Variants in PARD3B observed in about 807,000 individuals in gnomAD.
PARD3B encodes the protein partitioning defective 3 homolog B.
In PARD3B, 103 loss-of-function variants were observed where a neutral mutation model predicts 130.2. The observed-to-expected ratio is 0.79, with a 90% confidence interval of 0.67 to 0.93. The LOEUF is 0.93. Ranked by LOEUF, PARD3B falls within the 40% of genes least tolerant of loss-of-function variation. The pLI, the probability that PARD3B is intolerant of heterozygous loss-of-function variation, is 0.00. For synonymous variants in PARD3B, 583 were observed against 553.2 expected, an observed-to-expected ratio of 1.05 and a Z score of -0.76; for missense variants, 1,609 against 1,499.2, an observed-to-expected ratio of 1.07 and a Z score of -1.21.
chr2:204,595,891 A>G (rs530518036), intron 1 of PARD3B, among the ~76,000 whole-genome samples: 1 of 152,364 alleles, frequency 6.6e-6, no homozygotes, highest in East Asian at 1.9e-4. Context: ...CTTCAGTGAA[A>G]CAAAGAAGTA....
intron 21 of PARD3B, among the ~76,000 whole-genome samples, chr2:205,501,412 C>G (rs1322416903): frequency 6.6e-6 from 1 of 152,174 alleles, no homozygotes; most frequent in African/African-American, 2.4e-5. Context: ...CTTAGCTTCT[C>G]TGTAGCAGAA....
At chr2:204,626,793 C>T (rs951062222) in intron 1 of PARD3B, among the ~76,000 whole-genome samples, 2 of 151,898 alleles carry the variant, frequency 1.3e-5, no homozygotes, top group African/African-American at 4.8e-5. Context: ...GATTTATTTT[C>T]CCCCAACATT....
Position 205,291,512 on chromosome 2 carries a change from A to G in PARD3B, c.2186-9018A>G, listed in dbSNP as rs1220861046. Among the ~76,000 whole-genome samples the G allele has an allele frequency of 1.3e-5, 2 of 152,240 alleles. No homozygotes were observed. The highest frequency in any genetic ancestry group is 2.9e-5 in the Non-Finnish European group (2 of 68,034). The stretch of plus-strand genomic sequence containing the variant: ...CTGAAGTGTGTTGTTCTGGTGTATT[A>G]TGGAAGGTAGAACTTGTAAGTGATG... On this transcript the variant is annotated intron_variant, in intron 16 of 22. Coordinates refer to ENST00000406610, the MANE Select transcript of PARD3B (RefSeq NM_001302769.2). This position sits in a 1 kb window ranked among gnomAD's most constrained non-coding sequence, Gnocchi z 4.6.
intron 18 of PARD3B, among the ~76,000 whole-genome samples, chr2:205,339,914 G>A (rs1284245164): frequency 1.3e-5 from 2 of 151,796 alleles, no homozygotes; most frequent in Non-Finnish European, 2.9e-5. Flanking sequence ...AGGGGAGAAG[G>A]AGGCAGAAGT....
intron 2 of PARD3B, among the ~76,000 whole-genome samples, chr2:204,897,805 G>A (rs1365345657): frequency 2.0e-5 from 3 of 151,752 alleles, no homozygotes; most frequent in Non-Finnish European, 4.4e-5. Context: ...CCTCTTAATC[G>A]GAATGTTGTG....
chr2:204,925,166 T>C (rs1156517122), intron 2 of PARD3B, among the ~76,000 whole-genome samples: 1 of 152,002 alleles, frequency 6.6e-6, no homozygotes, highest in Non-Finnish European at 1.5e-5. Context: ...ATCAATTATC[T>C]CTGAGTAATA....
chr2:204,762,864 G>A (rs1478119182), intron 2 of PARD3B, among the ~76,000 whole-genome samples: 1 of 150,554 alleles, frequency 6.6e-6, no homozygotes, highest in South Asian at 2.1e-4. Context: ...AGGTTCAAAC[G>A]ATTCTCCTGC....
intron 18 of PARD3B, among the ~76,000 whole-genome samples, chr2:205,375,145 A>G (rs912314282): frequency 5.3e-4 from 81 of 152,344 alleles, no homozygotes; most frequent in African/African-American, 1.9e-3. Context: ...GTCAATGTCA[A>G]GTATTACCCT....
In PARD3B at chr2:204,906,299, A is replaced by T. The variant is rs1020574726; in HGVS notation, c.223-58853A>T. On this transcript the variant is annotated intron_variant, in intron 2 of 22. Coordinates refer to ENST00000406610, the MANE Select transcript of PARD3B (RefSeq NM_001302769.2). This position sits in a 1 kb window ranked among gnomAD's most constrained non-coding sequence, Gnocchi z 4.3. ...CAGAATGCAACCCATTTAGACTCAGACTTTTCTTGCTTTGAAATACCATAA... is the reference window on the plus strand; with the variant it reads ...CAGAATGCAACCCATTTAGACTCAGTCTTTTCTTGCTTTGAAATACCATAA... Among the ~76,000 whole-genome samples, 1 of 152,162 alleles carries T rather than the reference A, an allele frequency of 6.6e-6. No homozygotes were observed. The highest frequency in any genetic ancestry group is 1.5e-5 in the Non-Finnish European group (1 of 68,000).
intron 18 of PARD3B, among the ~76,000 whole-genome samples, chr2:205,380,628 A>G (rs868317432): frequency 2.3e-5 from 2 of 86,162 alleles, no homozygotes; most frequent in Non-Finnish European, 3.8e-5. Flanking sequence ...TATTATATAA[A>G]GAATATTATA....
At position 205,569,453 on chromosome 2, in the gene PARD3B, T is replaced by A. The variant is rs539142043; in HGVS notation, c.3260+16050T>A. On this transcript the variant is annotated intron_variant, in intron 22 of 22. Coordinates refer to ENST00000406610, the MANE Select transcript of PARD3B (RefSeq NM_001302769.2). ...ATATCCATACTTTCTTCTAATTATT[T>A]GATTATTTTGGCACTTCTACAGCAG... Among the ~76,000 whole-genome samples, 74 of 152,332 alleles carry A rather than the reference T, an allele frequency of 4.9e-4. 1 individual carries two copies. The South Asian group carries it at 0.015, about 31-fold the overall frequency.
intron 4 of PARD3B, among the ~76,000 whole-genome samples, chr2:205,050,797 G>C (rs903787780): frequency 6.6e-6 from 1 of 151,694 alleles, no homozygotes; most frequent in African/African-American, 2.4e-5. Flanking sequence ...CGCAGCTCTA[G>C]ACAGAAGCAA....
At chr2:204,925,762 C>A (rs1487087634) in intron 2 of PARD3B, among the ~76,000 whole-genome samples, 1 of 152,044 alleles carries the variant, frequency 6.6e-6, no homozygotes, top group African/African-American at 2.4e-5. Context: ...TGTGTCCCCA[C>A]CCAAATCTCA....
chr2:205,067,784 A>G (rs1700482981), intron 4 of PARD3B, among the ~76,000 whole-genome samples: 1 of 152,066 alleles, frequency 6.6e-6, no homozygotes, highest in Non-Finnish European at 1.5e-5. Context: ...TTTTTCTTTT[A>G]TCACTGAAAG....
chr2:205,381,977 G>C (rs1419297214), intron 18 of PARD3B, among the ~76,000 whole-genome samples: 1 of 152,002 alleles, frequency 6.6e-6, no homozygotes, highest in Admixed American at 6.6e-5. Context: ...TTGCAAAGAA[G>C]TAGCACAGTT....
At chr2:204,958,596 A>T (rs1690472891) in intron 2 of PARD3B, among the ~76,000 whole-genome samples, 1 of 152,194 alleles carries the variant, frequency 6.6e-6, no homozygotes, top group Non-Finnish European at 1.5e-5. Flanking sequence ...TGAAAGCAAA[A>T]TACGGATAAA....
chr2:204,696,567 G>C (rs1368724932), intron 2 of PARD3B, among the ~76,000 whole-genome samples: 1 of 152,000 alleles, frequency 6.6e-6, no homozygotes, highest in Non-Finnish European at 1.5e-5. Context: ...TGAGGTACCT[G>C]TTCCAAATTC....
At chr2:204,772,327 A>G (rs2041420505) in intron 2 of PARD3B, among the ~76,000 whole-genome samples, 1 of 152,026 alleles carries the variant, frequency 6.6e-6, no homozygotes, top group South Asian at 2.1e-4. Flanking sequence ...CATTGTAACC[A>G]CAGTAACCAA....
intron 4 of PARD3B, among the ~76,000 whole-genome samples, chr2:205,049,909 C>G (rs2125418369): frequency 6.6e-6 from 1 of 152,080 alleles, no homozygotes; most frequent in Admixed American, 6.6e-5. Flanking sequence ...GACCACAGAC[C>G]CAAAAAGGAG....
Sources: gnomAD v4.1 joint callset for allele counts (sites outside exome capture counted in the v4.1 genomes callset) on GRCh38, gnomAD v4.1.1 for gene constraint, Gnocchi (gnomAD v3.1) non-coding constraint, MANE v1.5 for transcripts, NCBI Gene and HGNC (gene_info 2026-07-23, HGNC 2026-07-21) for gene names.